CHKA: variants seen among roughly 807,000 people sequenced by gnomAD.
CHKA encodes the protein choline kinase alpha.
Under a neutral mutation model 60.1 loss-of-function variants are expected in CHKA, and 34 were observed. That is an observed-to-expected ratio of 0.57 (90% CI 0.43 to 0.75). The LOEUF (loss-of-function observed/expected upper bound fraction) is 0.75, where lower values mean the gene tolerates loss of function less well. Ranked by LOEUF, CHKA falls within the 30% of genes least tolerant of loss-of-function variation. The probability of loss-of-function intolerance (pLI) is 0.00; values close to 1 mark genes in which losing one functional copy is unlikely to be tolerated. For synonymous variants in CHKA, 217 were observed against 223.1 expected, an observed-to-expected ratio of 0.97 and a Z score of 0.24; for missense variants, 563 against 561.3, an observed-to-expected ratio of 1.00 and a Z score of -0.03.
intron 1 of CHKA, among the ~76,000 whole-genome samples, chr11:68,113,991 C>CA (rs879445965): frequency 3.0e-4 from 43 of 144,550 alleles, no homozygotes; most frequent in Middle Eastern, 7.0e-3. Flanking sequence ...AACTCTGTCT[C>CA]AAAAAAAAAA....
At position 68,087,590 on chromosome 11, in the gene CHKA, A is replaced by G. The variant is rs550273598; in HGVS notation, c.463-6133T>C. 3.9e-5 allele frequency among the ~76,000 whole-genome samples: 6 copies of G among 152,290 alleles called. No homozygotes were observed. In the East Asian group the frequency reaches 5.8e-4, roughly 15 times the overall value. Reference sequence around the variant, plus strand: ...ATATAAATAAGAGTACAGGTTTTTTATAGAAAAAAAATTGTGCCATCCATT... The same window carrying G: ...ATATAAATAAGAGTACAGGTTTTTTGTAGAAAAAAAATTGTGCCATCCATT... On this transcript the variant is annotated intron_variant, in intron 2 of 11. Coordinates refer to ENST00000265689, the MANE Select transcript of CHKA (RefSeq NM_001277.3).
chr11:68,112,209 A>G (rs185959216), intron 1 of CHKA, among the ~76,000 whole-genome samples: 9 of 152,308 alleles, frequency 5.9e-5, no homozygotes, highest in African/African-American at 1.9e-4. Context: ...TGATGGTAAC[A>G]TAGAAGAAAA....
At position 68,084,310 on chromosome 11, in the gene CHKA, A is replaced by G. The variant is rs575104717; in HGVS notation, c.463-2853T>C. Among the ~76,000 whole-genome samples the G allele has an allele frequency of 2.9e-3, 415 of 142,146 alleles. 7 individuals are homozygous for G. In the Middle Eastern group the frequency reaches 0.056, roughly 19 times the overall value. 93.3% of individuals were successfully genotyped at this position (142,146 alleles called of 152,430 possible). A position where few individuals can be genotyped will look rare whatever the true frequency, so the allele number is the denominator to read the frequency against. On this transcript the variant is annotated intron_variant, in intron 2 of 11. Coordinates refer to ENST00000265689, the MANE Select transcript of CHKA (RefSeq NM_001277.3). ...CATATATATACGTATATGTGTATAT[A>G]CATGTGTATATATATACACATATAC...
intron 1 of CHKA, among the ~76,000 whole-genome samples, chr11:68,113,280 T>C (rs1442589494): frequency 6.6e-6 from 1 of 151,670 alleles, no homozygotes; most frequent in Admixed American, 6.6e-5. Context: ...ACCCAGTTTC[T>C]TAAAAAAATA....
intron 2 of CHKA, chr11:68,081,933 A>G (rs1245722528): frequency 6.5e-6 from 1 of 153,136 alleles, no homozygotes; most frequent in African/African-American, 2.4e-5. Flanking sequence ...CTGTGCAGGC[A>G]GGAAACCTGG....
At chr11:68,064,735 C>T in intron 9 of CHKA, 104 bp from the exon 10 acceptor site, 1 of 678,866 alleles carries the variant, frequency 1.5e-6, no homozygotes, top group Non-Finnish European at 2.5e-6. Flanking sequence ...GGGAGACACA[C>T]ACTCAACATG....
intron 1 of CHKA, among the ~76,000 whole-genome samples, chr11:68,111,469 C>T (rs1234849552): frequency 1.3e-5 from 2 of 151,660 alleles, no homozygotes; most frequent in East Asian, 1.9e-4. Context: ...ATCCCAGCTA[C>T]TCAGGAGGCT....
Position 68,121,287 on chromosome 11 carries a change from G to A in CHKA, c.-110C>T. On this transcript the variant is annotated 5_prime_UTR_variant, in exon 1 of 12. Transcript: ENST00000265689. ...CTCTCACTGGCAGGCCGGCGGGGCAGGGGGCCGCGGCGGTTGGGCGCGCGG... is the reference window on the plus strand; with the variant it reads ...CTCTCACTGGCAGGCCGGCGGGGCAAGGGGCCGCGGCGGTTGGGCGCGCGG... 1 of 925,984 alleles carries A rather than the reference G, an allele frequency of 1.1e-6. No individual in the cohort carries two copies. Among genetic ancestry groups the A allele is most frequent in the Non-Finnish European group, 1.3e-6 (1 of 762,948 alleles). 57.4% of individuals were successfully genotyped at this position (925,984 alleles called of 1,614,324 possible).
rs1312583074 is a variant in CHKA at position 68,113,398 on chromosome 11, A to G, written c.350+7430T>C. Among the ~76,000 whole-genome samples the G allele has an allele frequency of 2.0e-5, 3 of 152,242 alleles. No individual in the cohort carries two copies. The East Asian group carries it at 5.8e-4, about 29-fold the overall frequency. Reference sequence around the variant, plus strand: ...ATCATATGTCATTAGAAAGTTGCAAATTAAAATAAGATACCTGACTGGGCG... The same window carrying G: ...ATCATATGTCATTAGAAAGTTGCAAGTTAAAATAAGATACCTGACTGGGCG... On this transcript the variant is annotated intron_variant, in intron 1 of 11. Coordinates refer to ENST00000265689, the MANE Select transcript of CHKA (RefSeq NM_001277.3).
At chr11:68,080,960 G>A (rs1449620384) in intron 3 of CHKA, among the ~76,000 whole-genome samples, 1 of 152,174 alleles carries the variant, frequency 6.6e-6, no homozygotes, top group Non-Finnish European at 1.5e-5. Context: ...ATCATCCATA[G>A]GAAAAAACAT....
chr11:68,101,838 G>A (rs1857737752), intron 1 of CHKA, among the ~76,000 whole-genome samples: 3 of 152,048 alleles, frequency 2.0e-5, no homozygotes, highest in South Asian at 4.1e-4. Context: ...CGTGGCTGAC[G>A]CCTGTAATCC....
rs1244528575 is a variant in CHKA at position 68,066,478 on chromosome 11, T to C, written c.967A>G (p.Lys323Glu). ...LLLEGRENSEKQKLMLIDFEY... is the reference protein window; with the variant it reads ...LLLEGRENSEEQKLMLIDFEY... ...AAATCAATGAGCATCAGTTTCTGTT[T>C]TTCAGAATTCTCTCGGCCTTCCAGC... Residue 323 changes from lysine to glutamate, a missense_variant, in exon 8 of 12, where the codon AAA becomes GAA. Coordinates refer to ENST00000265689, the MANE Select transcript of CHKA (RefSeq NM_001277.3). 1.2e-6 allele frequency: 2 copies of C among 1,614,244 alleles called. No homozygotes were observed. The highest frequency in any genetic ancestry group is 1.7e-5 in the Admixed American group (1 of 60,032).
At chr11:68,072,219 A>G (rs1034777757) in intron 4 of CHKA, among the ~76,000 whole-genome samples, 3 of 152,172 alleles carry the variant, frequency 2.0e-5, no homozygotes, top group Non-Finnish European at 4.4e-5. Context: ...TACAGGAATC[A>G]TGAAACTAAA....
chr11:68,097,809 G>C lies in CHKA; in HGVS notation c.351-679C>G, dbSNP rs567770149. ...ACTCCCAACATTAACTGGTTACCACGGCCTTCAGATGAAACAGGAGACCTC... is the reference window on the plus strand; with the variant it reads ...ACTCCCAACATTAACTGGTTACCACCGCCTTCAGATGAAACAGGAGACCTC... On this transcript the variant is annotated intron_variant, in intron 1 of 11. Coordinates refer to ENST00000265689, the MANE Select transcript of CHKA (RefSeq NM_001277.3). Among the ~76,000 whole-genome samples the C allele has an allele frequency of 3.3e-5, 5 of 152,114 alleles. No homozygotes were observed. The East Asian group carries it at 5.8e-4, about 18-fold the overall frequency.
At chr11:68,118,059 A>C (rs906989772) in intron 1 of CHKA, among the ~76,000 whole-genome samples, 1 of 152,156 alleles carries the variant, frequency 6.6e-6, no homozygotes, top group Non-Finnish European at 1.5e-5. Context: ...CAAAGGGTTA[A>C]ATTTGGAATA....
intron 2 of CHKA, 132 bp downstream of exon 2, chr11:68,096,887 G>A (rs1857531131): frequency 1.8e-6 from 1 of 570,414 alleles, no homozygotes; most frequent in East Asian, 3.1e-5. Flanking sequence ...TAAAGTAAAA[G>A]TAAAAGCAAT....
intron 11 of CHKA, among the ~76,000 whole-genome samples, chr11:68,054,746 C>T (rs1477967865): frequency 6.6e-6 from 1 of 152,230 alleles, no homozygotes; most frequent in Non-Finnish European, 1.5e-5. Flanking sequence ...AGGGCCTTCA[C>T]AGATGCATCC....
intron 11 of CHKA, among the ~76,000 whole-genome samples, chr11:68,054,442 C>A (rs1336000596): frequency 6.6e-6 from 1 of 152,178 alleles, no homozygotes; most frequent in African/African-American, 2.4e-5. Flanking sequence ...ACAGGCGAGT[C>A]TAGAACAGAA....
chr11:68,057,894 TTTTTG>T (rs373058662), intron 11 of CHKA, among the ~76,000 whole-genome samples: 84 of 151,868 alleles, frequency 5.5e-4, no homozygotes, highest in African/African-American at 1.2e-3. Context: ...TCTGATTTGT[TTTTTG>T]TTTTGTTTTG....
Sources: gnomAD v4.1 joint callset for allele counts (sites outside exome capture counted in the v4.1 genomes callset) on GRCh38, gnomAD v4.1.1 for gene constraint, MANE v1.5 for transcripts, NCBI Gene and HGNC (gene_info 2026-07-23, HGNC 2026-07-21) for gene names.